Variants in EPB41L1 observed in about 807,000 individuals in gnomAD.
The protein encoded by EPB41L1 is erythrocyte membrane protein band 4.1 like 1.
In EPB41L1, 29 loss-of-function variants were observed where a neutral mutation model predicts 97.8. The ratio of observed to expected loss-of-function variants is 0.30; its 90% CI spans 0.22 to 0.40. The LOEUF (loss-of-function observed/expected upper bound fraction) is 0.40, where lower values mean the gene tolerates loss of function less well. Ranked by LOEUF, EPB41L1 falls within the 10% of genes least tolerant of loss-of-function variation. The pLI, the probability that EPB41L1 is intolerant of heterozygous loss-of-function variation, is 1.00. For missense variants in EPB41L1, 812 were observed against 1,162.3 expected (o/e 0.70, Z 4.38); for synonymous variants, 383 against 459.2 (o/e 0.83, Z 2.12).
chr20:36,164,564 C>T (rs2060660256), intron 1 of EPB41L1, among the ~76,000 whole-genome samples: 1 of 152,192 alleles, frequency 6.6e-6, no homozygotes, highest in South Asian at 2.1e-4. Context: ...TGTGTGTGTT[C>T]TCATGTTGTT....
At chr20:36,150,752 G>A (rs2060019565), upstream of EPB41L1, 1 of 152,232 alleles carries the variant, frequency 6.6e-6, no homozygotes, top group South Asian at 2.1e-4. Context: ...AAATGGTGGT[G>A]CTTCACCTTC....
Position 36,154,787 on chromosome 20 carries a change from G to A in EPB41L1, c.-124G>A. The A allele has an allele frequency of 2.0e-6, 2 of 988,570 alleles. No individual in the cohort carries two copies. The highest frequency in any genetic ancestry group is 2.4e-6 in the Non-Finnish European group (2 of 831,886). The allele number at this position is 988,570 out of a possible 1,614,324, so 61.2% of individuals were successfully genotyped here. ...GGGGTGTCGCCGAACAGGCTGCTCCGCAGAGCCCGCCGCGACCCCGCGCCG... is the reference window on the plus strand; with the variant it reads ...GGGGTGTCGCCGAACAGGCTGCTCCACAGAGCCCGCCGCGACCCCGCGCCG... On this transcript the variant is annotated 5_prime_UTR_variant, in exon 1 of 22. Coordinates refer to ENST00000338074, the MANE Select transcript of EPB41L1 (RefSeq NM_012156.2). This position sits in a 1 kb window ranked among gnomAD's most constrained non-coding sequence, Gnocchi z 5.5.
At chr20:36,186,633 G>A (rs2061692925) in intron 7 of EPB41L1, among the ~76,000 whole-genome samples, 1 of 152,184 alleles carries the variant, frequency 6.6e-6, no homozygotes, top group Non-Finnish European at 1.5e-5. Context: ...CCTGGGCATA[G>A]GAATAGGGAG....
chr20:36,107,785 C>T (rs1305785466), intron 1 of EPB41L1, among the ~76,000 whole-genome samples: 2 of 151,118 alleles, frequency 1.3e-5, no homozygotes, highest in African/African-American at 2.4e-5. Flanking sequence ...GCTGAGATCA[C>T]ACCACTGCAC....
At chr20:36,194,127 G>A (rs1032476863) in intron 11 of EPB41L1, 85 bp from the exon 12 acceptor site, 93 of 1,581,564 alleles carry the variant, frequency 5.9e-5, no homozygotes, top group Non-Finnish European at 7.0e-5. Flanking sequence ...CACTCCAGGC[G>A]TGGTTGGGCA....
At chr20:36,148,931 G>A (rs2145409210) in intron 2 of EPB41L1, among the ~76,000 whole-genome samples, 1 of 152,308 alleles carries the variant, frequency 6.6e-6, no homozygotes, top group South Asian at 2.1e-4. Flanking sequence ...GAAACTGGCT[G>A]GGGGAGCATG....
rs371498720 is a variant in EPB41L1 at position 36,187,232 on chromosome 20, C to T, written c.786-444C>T. Among the ~76,000 whole-genome samples the T allele has an allele frequency of 5.3e-5, 8 of 152,308 alleles. No individual in the cohort carries two copies. In the East Asian group the frequency reaches 9.6e-4, roughly 18 times the overall value. On this transcript the variant is annotated intron_variant, in intron 7 of 21. Transcript: ENST00000338074. ...TCTTTTTGGAAAGGAGAATGTGCACCTGTTCCTTAGGAGAGATTAAGTGGC... is the reference window on the plus strand; with the variant it reads ...TCTTTTTGGAAAGGAGAATGTGCACTTGTTCCTTAGGAGAGATTAAGTGGC...
At chr20:36,186,263 G>C (rs568838384) in intron 7 of EPB41L1, among the ~76,000 whole-genome samples, 1 of 152,174 alleles carries the variant, frequency 6.6e-6, no homozygotes, top group African/African-American at 2.4e-5. Context: ...ATTTGGGGCT[G>C]TAAGTCCAGG....
At chr20:36,145,912 C>T (rs981262747) in intron 2 of EPB41L1, among the ~76,000 whole-genome samples, 11 of 152,204 alleles carry the variant, frequency 7.2e-5, no homozygotes, top group African/African-American at 2.7e-4. Context: ...GTATCCCAGG[C>T]TCCAGGTCAT....
chr20:36,160,739 G>T (rs998652667), intron 1 of EPB41L1, among the ~76,000 whole-genome samples: 2 of 152,122 alleles, frequency 1.3e-5, no homozygotes, highest in Admixed American at 6.5e-5. Flanking sequence ...AAACCAGAAT[G>T]GGATCATACA....
intron 1 of EPB41L1, among the ~76,000 whole-genome samples, chr20:36,162,063 C>CA (rs1207785977): frequency 2.0e-5 from 3 of 152,228 alleles, no homozygotes; most frequent in Admixed American, 2.0e-4. Flanking sequence ...CACACCCTGC[C>CA]TATCTCATTT....
chr20:36,171,811 C>T (rs1020669232), intron 1 of EPB41L1, among the ~76,000 whole-genome samples: 1 of 152,162 alleles, frequency 6.6e-6, no homozygotes, highest in Non-Finnish European at 1.5e-5. Context: ...AGAGGCCTCC[C>T]ACGATGGATG....
intron 2 of EPB41L1, among the ~76,000 whole-genome samples, chr20:36,116,569 G>A (rs2058590724): frequency 6.6e-6 from 1 of 152,166 alleles, no homozygotes; most frequent in Non-Finnish European, 1.5e-5. Flanking sequence ...TCCTGGTGGT[G>A]AATGGCAGGA....
chr20:36,212,275 G>T lies in EPB41L1; in HGVS notation c.2083G>T (p.Val695Leu), dbSNP rs763476435. The T allele has an allele frequency of 6.2e-7, 1 of 1,614,162 alleles. No homozygotes were observed. Among genetic ancestry groups the T allele is most frequent in the Admixed American group, 1.7e-5 (1 of 60,026 alleles). Reference protein sequence around the residue: ...STPDMPQFEPVKTETMTVSSL... With the variant: ...STPDMPQFEPLKTETMTVSSL... ...ATTCTCCCTCCTTTTCCTACAGCCC[G>T]TGAAAACAGAAACCATGACTGTCAG... The change falls in exon 16 of 22, where the codon GTG becomes TTG. Residue 695 changes from valine to leucine, a missense_variant. Coordinates refer to ENST00000338074, the MANE Select transcript of EPB41L1 (RefSeq NM_012156.2). This position sits in a 1 kb window ranked among gnomAD's most constrained non-coding sequence, Gnocchi z 4.8.
chr20:36,175,395 G>A (rs1366479785), intron 2 of EPB41L1, among the ~76,000 whole-genome samples, 156 bp from the exon 3 acceptor site: 1 of 152,192 alleles, frequency 6.6e-6, no homozygotes, highest in Non-Finnish European at 1.5e-5. Context: ...GTACACACCA[G>A]CCATGGACCC....
chr20:36,207,263 C>T lies in EPB41L1; in HGVS notation c.1669-2225C>T. ...CAAGTAGGGTTTGTGGTGTCCCCTGCCACAGGAGGTGAGCGCAGGCCTCCT... is the reference window on the plus strand; with the variant it reads ...CAAGTAGGGTTTGTGGTGTCCCCTGTCACAGGAGGTGAGCGCAGGCCTCCT... On this transcript the variant is annotated intron_variant, in intron 14 of 21. Transcript: ENST00000338074. This position sits in a 1 kb window ranked among gnomAD's most constrained non-coding sequence, Gnocchi z 4.9. 1 of 1,276,980 alleles carries T rather than the reference C, an allele frequency of 7.8e-7. No homozygotes were observed. The highest frequency in any genetic ancestry group is 1.0e-6 in the Non-Finnish European group (1 of 981,110). The allele number at this position is 1,276,980 out of a possible 1,614,324, so 79.1% of individuals were successfully genotyped here.
chr20:36,201,534 C>T (rs1015420996), intron 14 of EPB41L1, among the ~76,000 whole-genome samples: 2 of 152,200 alleles, frequency 1.3e-5, no homozygotes, highest in African/African-American at 4.8e-5. Context: ...ACATTCCAGG[C>T]ATCTCCGGCC....
At chr20:36,116,883 G>A (rs2147638005) in intron 2 of EPB41L1, among the ~76,000 whole-genome samples, 1 of 152,292 alleles carries the variant, frequency 6.6e-6, no homozygotes, top group African/African-American at 2.4e-5. Context: ...GTAGTGCTAG[G>A]TGCTCTCTCA....
intron 18 of EPB41L1, 113 bp from the exon 19 acceptor site, chr20:36,219,648 C>G (rs1176798647): frequency 1.3e-5 from 11 of 844,490 alleles, no homozygotes; most frequent in Non-Finnish European, 2.1e-5. Context: ...CTGAAAGCAT[C>G]TTGGCTTCGA....
Sources: allele counts gnomAD v4.1 joint callset (sites outside exome capture counted in the v4.1 genomes callset), GRCh38; gene constraint gnomAD v4.1.1; non-coding constraint Gnocchi (gnomAD v3.1); transcripts MANE v1.5; gene names NCBI Gene and HGNC (gene_info 2026-07-23, HGNC 2026-07-21).